The following TNFSF4 variants were observed in gnomAD, a reference collection of about 807,000 sequenced individuals.
The protein encoded by TNFSF4 is TNF superfamily member 4.
TNFSF4 carries 4 observed loss-of-function variants against 7.3 expected under a neutral mutation model. The ratio of observed to expected loss-of-function variants is 0.55; its 90% CI spans 0.27 to 1.25. The LOEUF is 1.25. Ranked by LOEUF, TNFSF4 falls within the 50% of genes most tolerant of loss-of-function variation. The pLI, the probability that TNFSF4 is intolerant of heterozygous loss-of-function variation, is 0.12. For synonymous variants in TNFSF4, 76 were observed against 83.7 expected, an observed-to-expected ratio of 0.91 and a Z score of 0.50; for missense variants, 181 against 208.8, an observed-to-expected ratio of 0.87 and a Z score of 0.82.
At chr1:173,187,900 G>A (rs914332441) in intron 2 of TNFSF4, among the ~76,000 whole-genome samples, 1 of 152,208 alleles carries the variant, frequency 6.6e-6, no homozygotes, top group African/African-American at 2.4e-5. Context: ...CCACAATTCA[G>A]TAATTCTTGC....
the TNFSF4 span, among the ~76,000 whole-genome samples, chr1:173,329,833 GA>G: frequency 4.7e-3 from 686 of 145,324 alleles, 4 homozygotes; most frequent in African/African-American, 0.015. Context: ...CACAAAAAAA[GA>G]AAAAAAAAAT....
chr1:173,316,227 TTGAGA>T, the TNFSF4 span, among the ~76,000 whole-genome samples: 13 of 151,514 alleles, frequency 8.6e-5, no homozygotes, highest in South Asian at 2.1e-4. Flanking sequence ...CCATATATGC[TTGAGA>T]TAAGTATATT....
At chr1:173,339,304 C>T in the TNFSF4 span, among the ~76,000 whole-genome samples, 1 of 152,004 alleles carries the variant, frequency 6.6e-6, no homozygotes, top group South Asian at 2.1e-4. Context: ...TTCACTTGAG[C>T]CCAGGAGCTA....
chr1:173,447,269 T>C, the TNFSF4 span, among the ~76,000 whole-genome samples: 1 of 152,308 alleles, frequency 6.6e-6, no homozygotes, highest in East Asian at 1.9e-4. Context: ...TAGACAATTT[T>C]TACAGCAGTG....
the TNFSF4 span, among the ~76,000 whole-genome samples, chr1:173,236,629 A>G: frequency 6.6e-6 from 1 of 152,202 alleles, no homozygotes; most frequent in Non-Finnish European, 1.5e-5. Flanking sequence ...TATGGTATAT[A>G]TACACACTGG....
the TNFSF4 span, among the ~76,000 whole-genome samples, chr1:173,370,437 T>C: frequency 1.3e-5 from 2 of 152,168 alleles, no homozygotes; most frequent in Admixed American, 6.5e-5. Context: ...CACAAAAATC[T>C]GTTGACATGT....
At chr1:173,421,395 G>A in the TNFSF4 span, among the ~76,000 whole-genome samples, 1 of 152,000 alleles carries the variant, frequency 6.6e-6, no homozygotes, top group Non-Finnish European at 1.5e-5. Flanking sequence ...TGTAATGAAG[G>A]CTAAGAGCTG....
At chr1:173,379,586 G>A in the TNFSF4 span, among the ~76,000 whole-genome samples, 6 of 152,128 alleles carry the variant, frequency 3.9e-5, no homozygotes, top group African/African-American at 4.8e-5. Flanking sequence ...CTCCAAAAGC[G>A]AGCCCTGGGC....
In TNFSF4 at chr1:173,186,560, G is replaced by A; in HGVS notation, c.508C>T (p.Leu170=). The change falls in exon 3 of 3, where the codon CTG becomes TTG. Residue 170 remains leucine, a synonymous_variant. Coordinates refer to ENST00000281834, the MANE Select transcript of TNFSF4 (RefSeq NM_003326.5). ...CCAGGATTTTGATGGATAAGAATCA[G>A]TTCTCCGCCATTCACATGGAAGTCA... ...LDDFHVNGGE[L]ILIHQNPGEF... is the part of the protein sequence containing the mutation. The A allele has an allele frequency of 6.2e-7, 1 of 1,614,076 alleles. No homozygotes were observed. The highest frequency in any genetic ancestry group is 1.1e-5 in the South Asian group (1 of 91,052).
the TNFSF4 span, among the ~76,000 whole-genome samples, chr1:173,324,818 C>A: frequency 1.3e-5 from 2 of 152,194 alleles, no homozygotes; most frequent in African/African-American, 4.8e-5. Context: ...AACTAACTAT[C>A]CTAAATATAT....
At chr1:173,209,575 G>A (rs1383367770), upstream of TNFSF4, among the ~76,000 whole-genome samples, 3 of 152,130 alleles carry the variant, frequency 2.0e-5, no homozygotes. Flanking sequence ...CACAATCATA[G>A]CTCACTGTAA....
the TNFSF4 span, among the ~76,000 whole-genome samples, chr1:173,370,572 T>A: frequency 3.8e-4 from 57 of 151,526 alleles, no homozygotes; most frequent in African/African-American, 1.1e-3. Flanking sequence ...GCCTTAAGAA[T>A]ATATACTCCC....
the TNFSF4 span, among the ~76,000 whole-genome samples, chr1:173,226,331 G>A: frequency 6.6e-6 from 1 of 152,170 alleles, no homozygotes; most frequent in African/African-American, 2.4e-5. Context: ...GATGTGATAT[G>A]TACACACCTT....
the TNFSF4 span, among the ~76,000 whole-genome samples, chr1:173,369,756 G>A: frequency 1.3e-5 from 2 of 152,148 alleles, no homozygotes; most frequent in Non-Finnish European, 2.9e-5. Flanking sequence ...CCTGAAGGGA[G>A]CATAAATTAC....
the TNFSF4 span, among the ~76,000 whole-genome samples, chr1:173,407,823 C>T: frequency 4.0e-5 from 6 of 151,884 alleles, no homozygotes; most frequent in African/African-American, 1.5e-4. Flanking sequence ...TATGGTTTGA[C>T]AGTTTTTATC....
At chr1:173,268,829 T>C in the TNFSF4 span, among the ~76,000 whole-genome samples, 1 of 152,104 alleles carries the variant, frequency 6.6e-6, no homozygotes, top group Non-Finnish European at 1.5e-5. Flanking sequence ...GAAATGACTA[T>C]ACTACTATCA....
the TNFSF4 span, among the ~76,000 whole-genome samples, chr1:173,313,943 T>C: frequency 6.6e-6 from 1 of 152,090 alleles, no homozygotes; most frequent in Non-Finnish European, 1.5e-5. Flanking sequence ...TATCATTTTA[T>C]TATATGCTTT....
chr1:173,315,551 G>A, the TNFSF4 span, among the ~76,000 whole-genome samples: 2 of 151,942 alleles, frequency 1.3e-5, no homozygotes, highest in African/African-American at 4.8e-5. Context: ...ATATGTGGAG[G>A]CAAAAAAAAT....
the TNFSF4 span, among the ~76,000 whole-genome samples, chr1:173,356,277 T>C: frequency 6.6e-6 from 1 of 152,172 alleles, no homozygotes; most frequent in South Asian, 2.1e-4. Flanking sequence ...CTCTGTCCTG[T>C]GGTTATAAAA....
Sources: gnomAD v4.1 joint callset for allele counts (sites outside exome capture counted in the v4.1 genomes callset) on GRCh38, gnomAD v4.1.1 for gene constraint, MANE v1.5 for transcripts, NCBI Gene and HGNC (gene_info 2026-07-23, HGNC 2026-07-21) for gene names.